Variants in RABGAP1 observed in about 807,000 individuals in gnomAD.
RABGAP1 encodes RAB GTPase activating protein 1.
Under a neutral mutation model 137.6 loss-of-function variants are expected in RABGAP1, and 23 were observed. That is an observed-to-expected ratio of 0.17 (90% CI 0.12 to 0.24). RABGAP1 has a LOEUF of 0.24. Among genes scored for constraint, RABGAP1 ranks in the 10% least tolerant of loss-of-function variants. The probability of loss-of-function intolerance (pLI) is 1.00; values close to 1 mark genes in which losing one functional copy is unlikely to be tolerated. For missense variants in RABGAP1, 906 were observed against 1,275.8 expected, an observed-to-expected ratio of 0.71 and a Z score of 4.42; for synonymous variants, 451 against 450.7, an observed-to-expected ratio of 1.00 and a Z score of -0.01.
chr9:123,102,202 G>A (rs1414860502), intron 25 of RABGAP1, among the ~76,000 whole-genome samples: 2 of 152,168 alleles, frequency 1.3e-5, no homozygotes, highest in Non-Finnish European at 1.5e-5. Flanking sequence ...CTTTATAAAT[G>A]CAAGCTTTTG....
intron 10 of RABGAP1, among the ~76,000 whole-genome samples, chr9:123,008,340 G>A (rs1257158476): frequency 1.6e-4 from 24 of 151,710 alleles, no homozygotes; most frequent in Non-Finnish European, 5.9e-5. Context: ...CAGGTAAATC[G>A]TGAGACCAGC....
chr9:122,960,911 A>G (rs185368245), intron 2 of RABGAP1, among the ~76,000 whole-genome samples: 25 of 152,358 alleles, frequency 1.6e-4, no homozygotes, highest in South Asian at 2.1e-4. Flanking sequence ...AGGGCACAAC[A>G]GTACATTTCA....
intron 14 of RABGAP1, among the ~76,000 whole-genome samples, chr9:123,066,672 C>T (rs572930724): frequency 6.6e-6 from 1 of 152,180 alleles, no homozygotes; most frequent in Non-Finnish European, 1.5e-5. Flanking sequence ...CCTGGGTGAT[C>T]CCTTCTACCC....
chr9:122,992,623 CTGTTA>C (rs1249896017), intron 6 of RABGAP1, among the ~76,000 whole-genome samples: 1 of 150,424 alleles, frequency 6.6e-6, no homozygotes, highest in Non-Finnish European at 1.5e-5. Flanking sequence ...ATAATAAATA[CTGTTA>C]TGTTAACTTA....
At chr9:122,992,059 C>G (rs1197458214) in intron 6 of RABGAP1, among the ~76,000 whole-genome samples, 1 of 150,858 alleles carries the variant, frequency 6.6e-6, no homozygotes, top group Non-Finnish European at 1.5e-5. Flanking sequence ...TTTTTTGAGA[C>G]AGAGCCTTGC....
chr9:123,065,138 G>A lies in RABGAP1; in HGVS notation c.1795-210G>A, dbSNP rs530622757. On this transcript the variant is annotated intron_variant, in intron 13 of 25. Coordinates refer to ENST00000373647, the MANE Select transcript of RABGAP1 (RefSeq NM_012197.4). ...AATATGGAAGTGTATAGAGTGAAAT[G>A]GGTTGCTTTTCTTCCATCTTTTTTC... Among the ~76,000 whole-genome samples the A allele has an allele frequency of 1.8e-4, 28 of 152,208 alleles. No individual in the cohort carries two copies. In the South Asian group the frequency reaches 1.9e-3, roughly 10 times the overall value.
Position 123,103,192 on chromosome 9 carries a change from T to C in RABGAP1, c.3189T>C (p.Val1063=). The change falls in exon 26 of 26, where the codon GTT becomes GTC. Residue 1063 remains valine, a synonymous_variant. Coordinates refer to ENST00000373647, the MANE Select transcript of RABGAP1 (RefSeq NM_012197.4). ...GCTCCATAAAGACAGCAACCGGGGT[T>C]CAAGGGAAAGAGACTTGCTGAGAGC... ...TLSSIKTATG[V]QGKETC The C allele has an allele frequency of 6.2e-7, 1 of 1,614,100 alleles. No individual in the cohort carries two copies. Among genetic ancestry groups the C allele is most frequent in the Non-Finnish European group, 8.5e-7 (1 of 1,179,978 alleles).
intron 11 of RABGAP1, among the ~76,000 whole-genome samples, chr9:123,015,289 CTTTTT>C (rs34492374): frequency 7.4e-5 from 9 of 121,684 alleles, no homozygotes; most frequent in Non-Finnish European, 1.0e-4. Flanking sequence ...TAAATAGCTC[CTTTTT>C]TTTTTTTTTT....
chr9:123,050,418 A>C (rs1279718859), intron 13 of RABGAP1, among the ~76,000 whole-genome samples: 9 of 152,232 alleles, frequency 5.9e-5, no homozygotes, highest in Non-Finnish European at 1.0e-4. Flanking sequence ...TCCAACTTCC[A>C]CTAAAATCCC....
At chr9:122,965,023 A>G (rs1482782310) in intron 2 of RABGAP1, among the ~76,000 whole-genome samples, 1 of 152,176 alleles carries the variant, frequency 6.6e-6, no homozygotes, top group Non-Finnish European at 1.5e-5. Flanking sequence ...TTTCAAGAAA[A>G]GTGAAAAACA....
chr9:122,954,960 A>G (rs1672074185), intron 1 of RABGAP1, among the ~76,000 whole-genome samples: 1 of 152,240 alleles, frequency 6.6e-6, no homozygotes, highest in Non-Finnish European at 1.5e-5. Context: ...AAACAACATA[A>G]TAGATGCTGT....
At chr9:123,024,728 G>A (rs1436463000) in intron 13 of RABGAP1, among the ~76,000 whole-genome samples, 1 of 152,142 alleles carries the variant, frequency 6.6e-6, no homozygotes, top group Non-Finnish European at 1.5e-5. Flanking sequence ...ATGAGCCACT[G>A]CATGTGGCCT....
intron 5 of RABGAP1, chr9:122,989,696 C>A: frequency 1.7e-6 from 1 of 574,866 alleles, no homozygotes; most frequent in Non-Finnish European, 3.0e-6. Flanking sequence ...CTGTTGGCTA[C>A]TTTTGATTGG....
chr9:123,007,694 G>C (rs1006876615), intron 10 of RABGAP1, among the ~76,000 whole-genome samples: 11 of 150,632 alleles, frequency 7.3e-5, no homozygotes, highest in African/African-American at 2.7e-4. Context: ...GGGATTACAG[G>C]CATGAGCCAT....
intron 2 of RABGAP1, chr9:122,972,039 A>G (rs972486643): frequency 6.6e-6 from 1 of 152,218 alleles, no homozygotes; most frequent in Non-Finnish European, 1.5e-5. Flanking sequence ...ATAGAGATGA[A>G]GTGGACTTGG....
intron 13 of RABGAP1, among the ~76,000 whole-genome samples, chr9:123,055,354 A>AT (rs1239668418): frequency 6.6e-6 from 1 of 151,520 alleles, no homozygotes; most frequent in East Asian, 1.9e-4. Flanking sequence ...TGCCTAGTTA[A>AT]TTTTTTTGTG....
chr9:123,052,637 C>G (rs2033533366), intron 13 of RABGAP1, among the ~76,000 whole-genome samples: 1 of 152,234 alleles, frequency 6.6e-6, no homozygotes. Context: ...GTGCACAAAA[C>G]TTTGCATACA....
the RABGAP1 span, among the ~76,000 whole-genome samples, chr9:122,934,080 T>C: frequency 5.2e-4 from 78 of 149,282 alleles, no homozygotes; most frequent in Non-Finnish European, 9.0e-4. Context: ...TCTTTTCTTT[T>C]CTTTTTTTTT....
intron 10 of RABGAP1, among the ~76,000 whole-genome samples, chr9:123,007,392 T>C (rs2030378160): frequency 6.7e-6 from 1 of 148,594 alleles, no homozygotes; most frequent in South Asian, 2.2e-4. Context: ...TTTTTTTTTT[T>C]TCCAAGACAG....
Sources: allele counts gnomAD v4.1 joint callset (sites outside exome capture counted in the v4.1 genomes callset), GRCh38; gene constraint gnomAD v4.1.1; transcripts MANE v1.5; gene names NCBI Gene and HGNC (gene_info 2026-07-23, HGNC 2026-07-21).